EBF1: variants seen among roughly 807,000 people sequenced by gnomAD.
The protein encoded by EBF1 is transcription factor COE1.
A neutral mutation model predicts 68.4 loss-of-function variants in EBF1; 10 were observed. The ratio of observed to expected loss-of-function variants is 0.15; its 90% CI spans 0.09 to 0.25. EBF1 has a LOEUF of 0.25. Among genes scored for constraint, EBF1 ranks in the 10% least tolerant of loss-of-function variants. EBF1 has a pLI of 1.00. For missense variants in EBF1, 509 were observed against 794.4 expected, an observed-to-expected ratio of 0.64 and a Z score of 4.32; for synonymous variants, 298 against 299.8, an observed-to-expected ratio of 0.99 and a Z score of 0.06.
At chr5:158,822,267 C>CGGATGGATGGAT (rs958054113) in intron 8 of EBF1, among the ~76,000 whole-genome samples, 35 of 57,072 alleles carry the variant, frequency 6.1e-4, no homozygotes, top group South Asian at 3.0e-3. Flanking sequence ...GACGGATGGA[C>CGGATGGATGGAT]GGATGGATGG....
chr5:158,795,923 T>C (rs868845635), intron 9 of EBF1, among the ~76,000 whole-genome samples: 23 of 152,192 alleles, frequency 1.5e-4, no homozygotes, highest in Non-Finnish European at 3.1e-4. Flanking sequence ...TGGATTATGC[T>C]GCCATTGAAT....
chr5:158,787,041 C>G (rs1240409241), intron 9 of EBF1, among the ~76,000 whole-genome samples: 5 of 152,152 alleles, frequency 3.3e-5, no homozygotes, highest in African/African-American at 1.2e-4. Flanking sequence ...ACCAGTAATT[C>G]CTCACTTAAC....
intron 4 of EBF1, among the ~76,000 whole-genome samples, chr5:159,094,512 T>C (rs1004613326): frequency 2.0e-5 from 3 of 152,228 alleles, no homozygotes; most frequent in African/African-American, 7.2e-5. Context: ...AGCTTATTAA[T>C]GTGACATTTC....
At chr5:158,937,432 AG>A (rs1327101472) in intron 6 of EBF1, among the ~76,000 whole-genome samples, 1 of 152,164 alleles carries the variant, frequency 6.6e-6, no homozygotes, top group African/African-American at 2.4e-5. Flanking sequence ...GCTACTTATA[AG>A]GGTTCCCGCA....
intron 5 of EBF1, among the ~76,000 whole-genome samples, chr5:159,083,087 T>C (rs1780009182): frequency 6.6e-6 from 1 of 152,234 alleles, no homozygotes; most frequent in African/African-American, 2.4e-5. Context: ...ATCTATGATA[T>C]ATAGATGTTA....
chr5:158,899,098 A>C (rs901162027), intron 6 of EBF1, among the ~76,000 whole-genome samples: 6 of 152,244 alleles, frequency 3.9e-5, no homozygotes, highest in Admixed American at 1.3e-4. Context: ...TATCTGAATA[A>C]TTACGTGAAA....
At chr5:158,996,624 C>T (rs1322515835) in intron 6 of EBF1, among the ~76,000 whole-genome samples, 2 of 152,172 alleles carry the variant, frequency 1.3e-5, no homozygotes, top group African/African-American at 2.4e-5. Context: ...AATCTTAACA[C>T]AATTTCTTGA....
chr5:158,982,996 T>TC (rs1758202865), intron 6 of EBF1: 1 of 152,282 alleles, frequency 6.6e-6, no homozygotes, highest in Middle Eastern at 3.4e-3. Flanking sequence ...GGCACCAGGC[T>TC]CCACCTGCCA....
intron 6 of EBF1, among the ~76,000 whole-genome samples, chr5:158,845,757 T>C (rs1791366323): frequency 6.7e-6 from 1 of 149,112 alleles, no homozygotes; most frequent in Non-Finnish European, 1.5e-5. Context: ...TAATAATGAC[T>C]ACAGCAGCTT....
chr5:158,836,719 G>C (rs1268371442), intron 7 of EBF1, among the ~76,000 whole-genome samples: 3 of 152,298 alleles, frequency 2.0e-5, no homozygotes, highest in African/African-American at 7.2e-5. Flanking sequence ...AAATGTGACA[G>C]TGTTCATTCT....
At chr5:158,886,359 T>C (rs1337915426) in intron 6 of EBF1, among the ~76,000 whole-genome samples, 1 of 152,196 alleles carries the variant, frequency 6.6e-6, no homozygotes, top group African/African-American at 2.4e-5. Context: ...ACACATTCCA[T>C]GCTATTTCTG....
chr5:158,882,895 A>G (rs1799163900), intron 6 of EBF1, among the ~76,000 whole-genome samples: 1 of 152,132 alleles, frequency 6.6e-6, no homozygotes, highest in Non-Finnish European at 1.5e-5. Context: ...CTGTGTTAGG[A>G]ATTTATTTAT....
At chr5:159,038,450 C>T (rs9313797) in intron 6 of EBF1, among the ~76,000 whole-genome samples, 5 of 152,062 alleles carry the variant, frequency 3.3e-5, no homozygotes, top group Admixed American at 6.5e-5. Flanking sequence ...TTAAGACTCA[C>T]GGTCAAAACA....
chr5:158,772,941 G>T (rs1774184203), intron 10 of EBF1, among the ~76,000 whole-genome samples: 1 of 152,076 alleles, frequency 6.6e-6, no homozygotes, highest in Non-Finnish European at 1.5e-5. Flanking sequence ...ATAAAGATAA[G>T]GTGACTGTGG....
At chr5:158,962,589 T>C (rs1753233212) in intron 6 of EBF1, among the ~76,000 whole-genome samples, 2 of 152,246 alleles carry the variant, frequency 1.3e-5, no homozygotes, top group African/African-American at 4.8e-5. Context: ...ACTTCTTATG[T>C]TCTATTCACT....
intron 14 of EBF1, 127 bp downstream of exon 14, chr5:158,712,027 G>T (rs1008666604): frequency 9.0e-7 from 1 of 1,114,272 alleles, no homozygotes; most frequent in Non-Finnish European, 1.3e-6. Flanking sequence ...TCACCCAGGG[G>T]AGTGCCTTAC....
At chr5:158,969,881 AAAG>A (rs1755095588) in intron 6 of EBF1, among the ~76,000 whole-genome samples, 3 of 103,366 alleles carry the variant, frequency 2.9e-5, no homozygotes, top group Admixed American at 1.0e-4. Context: ...AGAAAGAAAG[AAAG>A]AAAGAAAGAA....
intron 11 of EBF1, among the ~76,000 whole-genome samples, chr5:158,723,331 G>A (rs891652169): frequency 5.3e-5 from 8 of 152,224 alleles, no homozygotes; most frequent in African/African-American, 1.9e-4. Context: ...AGGGGATATA[G>A]GCTCTGGATC....
Position 158,712,218 on chromosome 5 carries a change from T to C in EBF1, c.1485A>G (p.Ala495=). 6.2e-7 allele frequency: 1 copy of C among 1,613,736 alleles called. No individual in the cohort carries two copies. Among genetic ancestry groups the C allele is most frequent in the Non-Finnish European group, 8.5e-7 (1 of 1,179,872 alleles). The change falls in exon 14 of 16, where the codon GCA becomes GCG. Residue 495 remains alanine, a synonymous_variant. Coordinates refer to ENST00000313708, the MANE Select transcript of EBF1 (RefSeq NM_024007.5). ...TTSMNGYGSA[A]MSNLGGSPTF... is the part of the protein sequence containing the mutation. ...TGGGGGAGCCGCCCAAATTGGACAT[T>C]GCGGCAGAGCCGTATCCGTTCATGC...
Sources: gnomAD v4.1 joint callset for allele counts (sites outside exome capture counted in the v4.1 genomes callset) on GRCh38, gnomAD v4.1.1 for gene constraint, MANE v1.5 for transcripts, NCBI Gene and HGNC (gene_info 2026-07-23, HGNC 2026-07-21) for gene names.